The following C1orf50 variants were observed in gnomAD, a reference collection of about 807,000 sequenced individuals.
The protein encoded by C1orf50 is chromosome 1 open reading frame 50.
C1orf50 carries 22 observed loss-of-function variants against 23.3 expected under a neutral mutation model. That is an observed-to-expected ratio of 0.94 (90% CI 0.67 to 1.35). The LOEUF is 1.35. Ranked by LOEUF, C1orf50 falls within the 40% of genes most tolerant of loss-of-function variation. C1orf50 has a pLI of 0.00. For missense variants in C1orf50, 271 were observed against 249.4 expected, an observed-to-expected ratio of 1.09 and a Z score of -0.58; for synonymous variants, 96 against 102.4, an observed-to-expected ratio of 0.94 and a Z score of 0.38.
intron 2 of C1orf50, among the ~76,000 whole-genome samples, chr1:42,771,612 A>G (rs2124188668): frequency 6.6e-6 from 1 of 152,352 alleles, no homozygotes; most frequent in East Asian, 1.9e-4. Flanking sequence ...AAAAAATGCA[A>G]AATATTTCAT....
At chr1:42,767,744 T>A in intron 2 of C1orf50, 120 bp downstream of exon 2, 5 of 875,244 alleles carry the variant, frequency 5.7e-6, no homozygotes, top group Non-Finnish European at 8.9e-6. Flanking sequence ...GTCTCCATTT[T>A]ACAGACGAGT....
Position 42,774,801 on chromosome 1 carries a change from C to A in C1orf50, c.347C>A (p.Pro116His). Residue 116 changes from proline to histidine, a missense_variant, in exon 4 of 5, where the codon CCT becomes CAT. Pro to His is a moderately conservative substitution (Grantham distance 77). Coordinates refer to ENST00000372525, the MANE Select transcript of C1orf50 (RefSeq NM_024097.4). ...HHVACNIVKK[P>H]GNIYYLYKRE... ...GTAGCTTGTAATATAGTGAAAAAAC[C>A]TGGCAACATTTACTATCTCTATAAA... 1 of 1,613,768 alleles carries A rather than the reference C, an allele frequency of 6.2e-7. No homozygotes were observed. Among genetic ancestry groups the A allele is most frequent in the Non-Finnish European group, 8.5e-7 (1 of 1,179,856 alleles).
At chr1:42,775,145 AGGAAAT>A (rs1390989172) in intron 4 of C1orf50, 58 bp from the exon 5 acceptor site, 2 of 1,439,114 alleles carry the variant, frequency 1.4e-6, no homozygotes, top group African/African-American at 2.8e-5. Context: ...TGGCATGATT[AGGAAAT>A]GAGCTCAGTT....
rs182261807 is a variant in C1orf50, at chr1:42,770,387, A to G, written c.195+2763A>G. Among the ~76,000 whole-genome samples, 3 of 152,152 alleles carry G rather than the reference A, an allele frequency of 2.0e-5. No individual in the cohort carries two copies. In the East Asian group the frequency reaches 5.8e-4, roughly 29 times the overall value. ...AATCTGGAACTACCTTAGCTCTAGA[A>G]ATACCTACTCTCTCCTTGGCCATAT... is the stretch of plus-strand genomic sequence containing the variant. On this transcript the variant is annotated intron_variant, in intron 2 of 4. Coordinates refer to ENST00000372525, the MANE Select transcript of C1orf50 (RefSeq NM_024097.4).
intron 2 of C1orf50, among the ~76,000 whole-genome samples, chr1:42,768,321 A>C (rs745518102): frequency 2.6e-5 from 4 of 152,258 alleles, no homozygotes; most frequent in African/African-American, 4.8e-5. Context: ...GTCATTATTC[A>C]ATGAAAAACC....
intron 2 of C1orf50, among the ~76,000 whole-genome samples, chr1:42,769,454 G>A (rs1161655938): frequency 2.0e-5 from 3 of 151,900 alleles, no homozygotes; most frequent in Non-Finnish European, 4.4e-5. Context: ...GCTGAGGCGG[G>A]AGAACTGCTT....
Position 42,775,471 on chromosome 1 carries a change from T to C in C1orf50, c.*77T>C. ...TTGCCCCCACTGTTGCCTTGAGAAT[T>C]GAAGACATGTAGGTGACTCACAAAC... On this transcript the variant is annotated 3_prime_UTR_variant, in exon 5 of 5. Transcript: ENST00000372525. The C allele has an allele frequency of 7.4e-7, 1 of 1,349,876 alleles. No homozygotes were observed. Among genetic ancestry groups the C allele is most frequent in the South Asian group, 1.5e-5 (1 of 68,116 alleles). 83.6% of individuals were successfully genotyped at this position (1,349,876 alleles called of 1,614,324 possible).
chr1:42,775,377 C>T lies in C1orf50; in HGVS notation c.583C>T (p.Gln195Ter), dbSNP rs758720677. The T allele has an allele frequency of 3.8e-6, 6 of 1,591,438 alleles. 1 individual carries two copies. In the South Asian group the frequency reaches 5.5e-5, roughly 15 times the overall value. Residue 195 changes from glutamine (Q) to a stop codon, truncating the protein, a stop_gained, in exon 5 of 5, where the codon CAG (glutamine) becomes TAG (stop). Transcript: ENST00000372525. LOFTEE classifies it high-confidence loss of function. The part of the protein sequence containing the change: ...ALPPCTEPNF[Q>*]GLTH The stretch of plus-strand genomic sequence containing the variant: ...GCCTCCGTGCACTGAACCCAACTTC[C>T]AGGGACTGACTCACTGAGAGTGGGC...
chr1:42,773,496 C>A, intron 2 of C1orf50, 67 bp from the exon 3 acceptor site: 1 of 971,944 alleles, frequency 1.0e-6, no homozygotes, highest in Non-Finnish European at 1.6e-6. Flanking sequence ...ACCCTGGGAT[C>A]AAGATAAGAA....
chr1:42,767,716 G>GTAGTGA, intron 2 of C1orf50, 92 bp downstream of exon 2: 1 of 1,165,492 alleles, frequency 8.6e-7, no homozygotes, highest in Non-Finnish European at 1.2e-6. Flanking sequence ...ACCTATGGTG[G>GTAGTGA]GGGTGGCATT....
intron 2 of C1orf50, among the ~76,000 whole-genome samples, chr1:42,772,311 T>C (rs546400570): frequency 6.6e-6 from 1 of 152,358 alleles, no homozygotes; most frequent in East Asian, 1.9e-4. Context: ...TTAATATTTC[T>C]TAGTTCAGGT....
At position 42,775,492 on chromosome 1, in the gene C1orf50, C is replaced by T; in HGVS notation, c.*98C>T. On this transcript the variant is annotated 3_prime_UTR_variant, in exon 5 of 5. Coordinates refer to ENST00000372525, the MANE Select transcript of C1orf50 (RefSeq NM_024097.4). ...GAATTGAAGACATGTAGGTGACTCA[C>T]AAACTTCTTGGAAAGAGACCCTGTG... 1.3e-5 allele frequency: 14 copies of T among 1,119,630 alleles called. No homozygotes were observed. The highest frequency in any genetic ancestry group is 1.7e-5 in the Non-Finnish European group (14 of 805,284). The allele number at this position is 1,119,630 out of a possible 1,614,324, so 69.4% of individuals were successfully genotyped here. A position where few individuals can be genotyped will look rare whatever the true frequency, so the allele number is the denominator to read the frequency against.
At chr1:42,770,523 A>G (rs1653194030) in intron 2 of C1orf50, among the ~76,000 whole-genome samples, 1 of 151,034 alleles carries the variant, frequency 6.6e-6, no homozygotes, top group Non-Finnish European at 1.5e-5. Context: ...ACCTCTGCCT[A>G]CCGAGTTCAA....
rs1198034226 is a variant in C1orf50 at position 42,775,955 on chromosome 1, T to C, written c.*561T>C. Reference sequence around the variant, plus strand: ...GGCTGGACCAGAGAGTGTGTGATTCTGGGATTTCTGTGCTGTTGATGAGGT... The same window carrying C: ...GGCTGGACCAGAGAGTGTGTGATTCCGGGATTTCTGTGCTGTTGATGAGGT... On this transcript the variant is annotated 3_prime_UTR_variant, in exon 5 of 5. Transcript: ENST00000372525. 1.3e-5 allele frequency: 2 copies of C among 151,370 alleles called. No individual in the cohort carries two copies. Among genetic ancestry groups the C allele is most frequent in the Non-Finnish European group, 2.9e-5 (2 of 67,878 alleles). The allele number at this position is 151,370 out of a possible 1,614,324, so 9.4% of individuals were successfully genotyped here.
chr1:42,767,441 G>T (rs930338509), intron 1 of C1orf50, 51 bp downstream of exon 1: 1 of 1,553,094 alleles, frequency 6.4e-7, no homozygotes, highest in Admixed American at 2.0e-5. Flanking sequence ...CGAGGCAGCC[G>T]GTCTCGGGGC....
At position 42,767,546 on chromosome 1, in the gene C1orf50, G is replaced by A. The variant is rs2124180553; in HGVS notation, c.117G>A (p.Leu39=). Residue 39 remains leucine, a synonymous_variant, in exon 2 of 5, where the codon CTG becomes CTA. Transcript: ENST00000372525. ...LVELTPTPGG[L]ALVSPYHTHR... is the part of the protein sequence containing the mutation. ...AGCTCACCCCGACCCCCGGCGGCCT[G>A]GCCCTGGTGAGCCCCTACCACACCC... 4 of 1,605,084 alleles carry A rather than the reference G, an allele frequency of 2.5e-6. No homozygotes were observed. In the East Asian group the frequency reaches 9.0e-5, roughly 36 times the overall value.
Position 42,767,355 on chromosome 1 carries a change from A to G in C1orf50, c.44A>G (p.Glu15Gly). ...CCGGGGCGGACCGAGGGGGTCCTTG[A>G]AAGGCAAGGAGCGCCGCCAGCTGCA... ...AAPGRTEGVL[E>G]RQGAPPAAGQ... Residue 15 changes from glutamate to glycine, a missense_variant, in exon 1 of 5, where the codon GAA (glutamate) becomes GGA (glycine). Physicochemically the swap from Glu to Gly is moderately conservative, Grantham distance 98 (BLOSUM62 -2). Coordinates refer to ENST00000372525, the MANE Select transcript of C1orf50 (RefSeq NM_024097.4). 1.3e-6 allele frequency: 2 copies of G among 1,536,838 alleles called. No individual in the cohort carries two copies. Among genetic ancestry groups the G allele is most frequent in the Non-Finnish European group, 1.7e-6 (2 of 1,146,346 alleles).
In C1orf50 at chr1:42,774,740, C is replaced by G. The variant is rs1190352212; in HGVS notation, c.286C>G (p.Leu96Val). 1 of 1,609,612 alleles carries G rather than the reference C, an allele frequency of 6.2e-7. No individual in the cohort carries two copies. Among genetic ancestry groups the G allele is most frequent in the South Asian group, 1.1e-5 (1 of 90,876 alleles). ...GTTACATATCTGTGATTCATAGGTA[C>G]TGGAAGATGCTCACAGAGATGCCAA... ...QHLQEQARKV[L>V]EDAHRDANLH... Residue 96 changes from leucine to valine, a missense_variant, in exon 4 of 5, where the codon CTG (leucine) becomes GTG (valine). Physicochemically the swap from Leu to Val is conservative, Grantham distance 32. Coordinates refer to ENST00000372525, the MANE Select transcript of C1orf50 (RefSeq NM_024097.4).
In C1orf50 at chr1:42,774,827, C is replaced by T. The variant is rs145247299; in HGVS notation, c.373C>T (p.Arg125Trp). ...TGGCAACATTTACTATCTCTATAAA[C>T]GGGAGAGTGGTCAGCAGTATTTTTC... ...KPGNIYYLYK[R>W]ESGQQYFSII... Residue 125 changes from arginine to tryptophan, a missense_variant, in exon 4 of 5, where the codon CGG becomes TGG. Arg to Trp is a moderately radical substitution (Grantham distance 101). Coordinates refer to ENST00000372525, the MANE Select transcript of C1orf50 (RefSeq NM_024097.4). 61 of 1,613,338 alleles carry T rather than the reference C, an allele frequency of 3.8e-5. No individual in the cohort carries two copies. Among genetic ancestry groups the T allele is most frequent in the Admixed American group, 3.2e-4 (19 of 60,024 alleles).
Sources: allele counts gnomAD v4.1 joint callset (sites outside exome capture counted in the v4.1 genomes callset), GRCh38; gene constraint gnomAD v4.1.1; transcripts MANE v1.5; gene names NCBI Gene and HGNC (gene_info 2026-07-23, HGNC 2026-07-21).